Variants in ATP9A observed in about 807,000 individuals in gnomAD.
ATP9A encodes probable phospholipid-transporting ATPase IIA.
A neutral mutation model predicts 144.1 loss-of-function variants in ATP9A; 52 were observed. That is an observed-to-expected ratio of 0.36 (90% confidence interval 0.29 to 0.45). The LOEUF (loss-of-function observed/expected upper bound fraction) is 0.45, where lower values mean the gene tolerates loss of function less well. Ranked by LOEUF, ATP9A falls within the 20% of genes least tolerant of loss-of-function variation. The pLI is 1.00. For synonymous variants in ATP9A, 582 were observed against 557.4 expected (o/e 1.04, Z -0.62); for missense variants, 947 against 1,392.7 (o/e 0.68, Z 5.09).
chr20:51,613,941 A>AGAAAGAAAT (rs2077193694), intron 22 of ATP9A, 109 bp from the exon 23 acceptor site: 2 of 1,205,500 alleles, frequency 1.7e-6, no homozygotes, highest in African/African-American at 3.1e-5. Flanking sequence ...AAGAACTTCA[A>AGAAAGAAAT]GAAAGAAATT....
chr20:51,648,295 T>C (rs536788139), intron 14 of ATP9A, among the ~76,000 whole-genome samples: 7 of 152,312 alleles, frequency 4.6e-5, no homozygotes, highest in Admixed American at 2.0e-4. Flanking sequence ...CGGCACCATG[T>C]ACTTGAGCTC....
intron 4 of ATP9A, among the ~76,000 whole-genome samples, chr20:51,704,388 T>G (rs1347810471): frequency 6.6e-6 from 1 of 151,598 alleles, no homozygotes; most frequent in African/African-American, 2.4e-5. Context: ...TTTGTTGTTT[T>G]TTTTTTTAAT....
chr20:51,615,879 G>T (rs959684056), intron 22 of ATP9A, among the ~76,000 whole-genome samples: 2 of 152,026 alleles, frequency 1.3e-5, no homozygotes, highest in Non-Finnish European at 2.9e-5. Flanking sequence ...CAGGTAATCT[G>T]CCCACCTCGG....
intron 9 of ATP9A, among the ~76,000 whole-genome samples, chr20:51,682,347 C>A (rs1352050159): frequency 6.6e-6 from 1 of 152,028 alleles, no homozygotes; most frequent in African/African-American, 2.4e-5. Context: ...GAATGGTGAA[C>A]CGTCCACAAA....
At chr20:51,603,771 A>ATTATTTAT (rs11470265) in intron 27 of ATP9A, among the ~76,000 whole-genome samples, 9 of 149,706 alleles carry the variant, frequency 6.0e-5, no homozygotes, top group East Asian at 2.0e-4. Context: ...AACATTTTTT[A>ATTATTTAT]TTATTTATTT....
Position 51,628,018 on chromosome 20 carries a change from A to G in ATP9A, c.1762-335T>C, listed in dbSNP as rs143917841. On this transcript the variant is annotated intron_variant, in intron 16 of 27. Coordinates refer to ENST00000338821, the MANE Select transcript of ATP9A (RefSeq NM_006045.3). ...CTGAGCATCTGACAAAACCAGGTGC[A>G]TTTTCCCAAATAACCACAATCAATG... Among the ~76,000 whole-genome samples, 751 of 152,216 alleles carry G rather than the reference A, an allele frequency of 4.9e-3. 8 individuals are homozygous for G. Among genetic ancestry groups the G allele is most frequent in the Non-Finnish European group, 4.9e-3 (334 of 68,008 alleles).
At chr20:51,663,096 C>T (rs910155598) in intron 13 of ATP9A, among the ~76,000 whole-genome samples, 6 of 152,072 alleles carry the variant, frequency 3.9e-5, no homozygotes, top group African/African-American at 1.2e-4. Context: ...TTAAAATATA[C>T]ATACTTAAGA....
intron 3 of ATP9A, among the ~76,000 whole-genome samples, chr20:51,718,559 T>C (rs919919606): frequency 2.6e-5 from 4 of 151,938 alleles, no homozygotes; most frequent in African/African-American, 9.7e-5. Flanking sequence ...CGCTCACACC[T>C]GTAATCCCAG....
chr20:51,713,050 T>C lies in ATP9A; in HGVS notation c.352A>G (p.Ile118Val). The change falls in exon 4 of 28, where the codon ATC becomes GTC. Residue 118 changes from isoleucine to valine, a missense_variant. By Grantham distance (29) the Ile-to-Val change is conservative. Around this residue, in one of 2 missense-constraint regions of ATP9A, gnomAD observed 770 missense variants for 1,047.9 expected, o/e 0.73. Coordinates refer to ENST00000338821, the MANE Select transcript of ATP9A (RefSeq NM_006045.3). ...PLGFVLAVTV[I>V]REAVEEIRCY... Reference sequence around the variant, plus strand: ...CGGATCTCCTCCACCGCCTCACGGATGACAGTGACGGCCAGCACGAAGCCC... The same window carrying C: ...CGGATCTCCTCCACCGCCTCACGGACGACAGTGACGGCCAGCACGAAGCCC... The C allele has an allele frequency of 6.2e-7, 1 of 1,612,370 alleles. No homozygotes were observed. Among genetic ancestry groups the C allele is most frequent in the Non-Finnish European group, 8.5e-7 (1 of 1,179,344 alleles).
At chr20:51,652,922 C>T (rs2077372595) in intron 14 of ATP9A, among the ~76,000 whole-genome samples, 1 of 151,934 alleles carries the variant, frequency 6.6e-6, no homozygotes, top group Non-Finnish European at 1.5e-5. Flanking sequence ...ACCTGGCTAA[C>T]ACGGTGAAAC....
intron 18 of ATP9A, among the ~76,000 whole-genome samples, chr20:51,623,634 C>A (rs1203862829): frequency 2.0e-5 from 3 of 151,764 alleles, no homozygotes; most frequent in Non-Finnish European, 4.4e-5. Context: ...TCTAAATATA[C>A]AAAATTATCC....
intron 1 of ATP9A, among the ~76,000 whole-genome samples, chr20:51,767,296 C>T (rs1380480567): frequency 2.0e-5 from 3 of 152,180 alleles, no homozygotes; most frequent in African/African-American, 7.2e-5. Context: ...CTCACCTGCG[C>T]GGCCTGTGGA....
At chr20:51,656,458 C>T (rs1368433402) in intron 14 of ATP9A, among the ~76,000 whole-genome samples, 2 of 152,042 alleles carry the variant, frequency 1.3e-5, no homozygotes, top group African/African-American at 2.4e-5. Flanking sequence ...GAGGCTGAGG[C>T]AGGAGAATCG....
chr20:51,644,407 G>A (rs935428946), intron 14 of ATP9A, among the ~76,000 whole-genome samples: 16 of 150,754 alleles, frequency 1.1e-4, no homozygotes, highest in Non-Finnish European at 1.9e-4. Context: ...CAAGTAGCTG[G>A]TGCCCGCCAC....
In ATP9A at chr20:51,600,919, G is replaced by T; in HGVS notation, c.*292C>A. The T allele has an allele frequency of 4.1e-6, 1 of 244,340 alleles. No individual in the cohort carries two copies. The allele number at this position is 244,340 out of a possible 1,614,324, so 15.1% of individuals were successfully genotyped here. A position where few individuals can be genotyped will look rare whatever the true frequency, so the allele number is the denominator to read the frequency against. Reference sequence around the variant, plus strand: ...CAAAATTCAAGTCATAAGGAAGCTCGCACAGTGACCCATATAAATCTCCCA... The same window carrying T: ...CAAAATTCAAGTCATAAGGAAGCTCTCACAGTGACCCATATAAATCTCCCA... On this transcript the variant is annotated 3_prime_UTR_variant, in exon 28 of 28. Coordinates refer to ENST00000338821, the MANE Select transcript of ATP9A (RefSeq NM_006045.3).
intron 9 of ATP9A, among the ~76,000 whole-genome samples, chr20:51,687,741 G>A (rs2077529305): frequency 6.7e-6 from 1 of 148,556 alleles, no homozygotes; most frequent in Non-Finnish European, 1.5e-5. Context: ...TCCAGCCTGG[G>A]CAACAGAATG....
At chr20:51,643,386 G>A (rs939530869) in intron 14 of ATP9A, among the ~76,000 whole-genome samples, 3 of 152,168 alleles carry the variant, frequency 2.0e-5, no homozygotes, top group South Asian at 2.1e-4. Context: ...CTATGCTATA[G>A]ACTATGTTTA....
intron 6 of ATP9A, 108 bp downstream of exon 6, chr20:51,695,985 C>G: frequency 9.7e-7 from 1 of 1,027,652 alleles, no homozygotes; most frequent in African/African-American, 1.6e-5. Flanking sequence ...GATTTGCCTC[C>G]ATGGCTCCAA....
chr20:51,652,919 T>G (rs879663039), intron 14 of ATP9A, among the ~76,000 whole-genome samples: 1 of 151,856 alleles, frequency 6.6e-6, no homozygotes. Flanking sequence ...CCAACCTGGC[T>G]AACACGGTGA....
Sources: gnomAD v4.1 joint callset for allele counts (sites outside exome capture counted in the v4.1 genomes callset) on GRCh38, gnomAD v4.1.1 for gene constraint, gnomAD v4.1.1 regional missense constraint, MANE v1.5 for transcripts, NCBI Gene and HGNC (gene_info 2026-07-23, HGNC 2026-07-21) for gene names.